The following DIP2A variants were observed in gnomAD, a reference collection of about 807,000 sequenced individuals.
DIP2A encodes disco-interacting protein 2 homolog A.
In DIP2A, 85 loss-of-function variants were observed where a neutral mutation model predicts 177.4. The ratio of observed to expected loss-of-function variants is 0.48; its 90% CI spans 0.40 to 0.57. The LOEUF is 0.57. DIP2A is among the 20% of genes least tolerant of loss of function. DIP2A has a pLI of 0.00. For synonymous variants in DIP2A, 886 were observed against 881.8 expected (o/e 1.00, Z -0.08); for missense variants, 1,791 against 2,100.2 (o/e 0.85, Z 2.88).
Position 46,561,787 on chromosome 21 carries a change from A to T in DIP2A, c.4071A>T (p.Pro1357=), listed in dbSNP as rs771858344. ...AACGGGGTTCTCCGCACAGCCTGCC[A>T]TTGATGGAGTCTGGAAAGGTAGTGG... ...LVERGSPHSL[P]LMESGKILPG... The change falls in exon 34 of 38, where the codon CCA becomes CCT. Residue 1357 remains proline, a synonymous_variant. Transcript: ENST00000417564. 6.2e-7 allele frequency: 1 copy of T among 1,613,778 alleles called. No homozygotes were observed. The highest frequency in any genetic ancestry group is 8.5e-7 in the Non-Finnish European group (1 of 1,179,878).
rs1048151839 is a variant in DIP2A, at chr21:46,473,712, C to T, written c.92-11045C>T. Among the ~76,000 whole-genome samples the T allele has an allele frequency of 2.6e-5, 4 of 152,012 alleles. 1 individual carries two copies. The highest frequency in any genetic ancestry group is 5.9e-5 in the Non-Finnish European group (4 of 67,984). On this transcript the variant is annotated intron_variant, in intron 1 of 37. Transcript: ENST00000417564. ...TGTATTTTTAGTAAAGATGGGGTTT[C>T]ACCATGTTGGCCAGGCTGGTCTCGA...
intron 6 of DIP2A, among the ~76,000 whole-genome samples, chr21:46,506,144 G>A (rs1203429645): frequency 6.6e-6 from 1 of 152,070 alleles, no homozygotes; most frequent in African/African-American, 2.4e-5. Flanking sequence ...TGGAGACTGA[G>A]TCTCACTCTG....
chr21:46,505,915 T>C (rs1354336137), intron 6 of DIP2A, among the ~76,000 whole-genome samples: 1 of 152,204 alleles, frequency 6.6e-6, no homozygotes, highest in Non-Finnish European at 1.5e-5. Context: ...CTCCTTCTCA[T>C]TGAGTAATAT....
chr21:46,537,586 T>C lies in DIP2A; in HGVS notation c.1801+47T>C, dbSNP rs761560022. 4 of 1,563,982 alleles carry C rather than the reference T, an allele frequency of 2.6e-6. No individual in the cohort carries two copies. Among genetic ancestry groups the C allele is most frequent in the Non-Finnish European group, 3.5e-6 (4 of 1,138,056 alleles). On this transcript the variant is annotated intron_variant, in intron 15 of 37. Coordinates refer to ENST00000417564, the MANE Select transcript of DIP2A (RefSeq NM_015151.4). The surrounding 1 kb of genome is among the most constrained non-coding windows in gnomAD (Gnocchi z 4.1). ...GCCTTCACCCTTCTTTAGGGAAATC[T>C]CTTTGAACTGACCTTTGGTGCTTAA...
chr21:46,492,011 T>C (rs2057041979), intron 3 of DIP2A, among the ~76,000 whole-genome samples: 1 of 152,250 alleles, frequency 6.6e-6, no homozygotes, highest in Non-Finnish European at 1.5e-5. Flanking sequence ...TTTTTTAAAT[T>C]GATAGTGCTT....
chr21:46,566,331 A>AT (rs2060836784), intron 36 of DIP2A, among the ~76,000 whole-genome samples: 1 of 152,158 alleles, frequency 6.6e-6, no homozygotes, highest in South Asian at 2.1e-4. Context: ...ATTTTTAATA[A>AT]TACGCTCACA....
chr21:46,523,888 C>T (rs1254947188), intron 8 of DIP2A, among the ~76,000 whole-genome samples: 2 of 152,108 alleles, frequency 1.3e-5, no homozygotes, highest in Non-Finnish European at 2.9e-5. Flanking sequence ...GAGCAGTTGC[C>T]CTGAGTAACA....
chr21:46,467,730 C>T (rs1415003282), intron 1 of DIP2A, among the ~76,000 whole-genome samples: 3 of 151,746 alleles, frequency 2.0e-5, no homozygotes, highest in Non-Finnish European at 2.9e-5. Context: ...GGAATACCCT[C>T]TTTAGGTTTT....
chr21:46,460,976 G>T (rs2054246304), intron 1 of DIP2A, among the ~76,000 whole-genome samples: 1 of 151,802 alleles, frequency 6.6e-6, no homozygotes. Context: ...TTACAGGCAT[G>T]AGCCACCGTG....
At chr21:46,527,012 C>G (rs552946112) in intron 8 of DIP2A, among the ~76,000 whole-genome samples, 1 of 152,062 alleles carries the variant, frequency 6.6e-6, no homozygotes, top group East Asian at 1.9e-4. Context: ...AGTATGTTTC[C>G]TTTTATTCTG....
rs777971164 is a variant in DIP2A, at chr21:46,560,748, C to T, written c.3996C>T (p.Thr1332=). Residue 1332 remains threonine (T), a synonymous_variant, in exon 33 of 38, where the codon ACC becomes ACT. Coordinates refer to ENST00000417564, the MANE Select transcript of DIP2A (RefSeq NM_015151.4). Reference sequence around the variant, plus strand: ...GCACAGCTGGCCCGGACCCCACAACCGTCTACGTGGACATGCGGGCACTGC... The same window carrying T: ...GCACAGCTGGCCCGGACCCCACAACTGTCTACGTGGACATGCGGGCACTGC... ...LQGTAGPDPT[T]VYVDMRALRH... is the part of the protein sequence containing the mutation. 1.5e-5 allele frequency: 24 copies of T among 1,609,380 alleles called. No individual in the cohort carries two copies. The highest frequency in any genetic ancestry group is 2.2e-5 in the South Asian group (2 of 90,012).
Position 46,559,534 on chromosome 21 carries a change from G to A in DIP2A, c.3969+1141G>A, listed in dbSNP as rs958664903. Among the ~76,000 whole-genome samples the A allele has an allele frequency of 1.3e-4, 20 of 152,204 alleles. 1 individual carries two copies. The highest frequency in any genetic ancestry group is 2.0e-4 in the Admixed American group (3 of 15,280). On this transcript the variant is annotated intron_variant, in intron 32 of 37. Transcript: ENST00000417564. ...TGTCACGCAGCAGAGGAGATCGGGC[G>A]GGAGCCTTTTGTGAGCTCGCTTCCT...
intron 4 of DIP2A, among the ~76,000 whole-genome samples, chr21:46,497,800 T>A (rs1341094274): frequency 6.6e-6 from 1 of 152,228 alleles, no homozygotes; most frequent in East Asian, 1.9e-4. Context: ...GTAAGATGAT[T>A]TAGTGGTTTT....
At chr21:46,477,543 T>TTTTTTTTTGTGTGTGTGTGTGTGTGTG (rs374607636) in intron 1 of DIP2A, among the ~76,000 whole-genome samples, 9 of 87,132 alleles carry the variant, frequency 1.0e-4, no homozygotes, top group African/African-American at 3.9e-4. Flanking sequence ...AAAAAAAGAT[T>TTTTTTTTTGTGTGTGTGTGTGTGTGTG]TGTGTGTGTG....
the DIP2A span, among the ~76,000 whole-genome samples, chr21:46,576,296 C>T: frequency 2.0e-5 from 3 of 152,074 alleles, no homozygotes; most frequent in Non-Finnish European, 4.4e-5. Flanking sequence ...CCCAACAGGC[C>T]CCAGTGTGTG....
chr21:46,498,585 C>T lies in DIP2A; in HGVS notation c.407C>T (p.Thr136Met). 1.2e-6 allele frequency: 2 copies of T among 1,605,398 alleles called. No homozygotes were observed. The highest frequency in any genetic ancestry group is 1.1e-5 in the South Asian group (1 of 90,654). Residue 136 changes from threonine (T) to methionine (M), a missense_variant, in exon 5 of 38, where the codon ACG becomes ATG. By Grantham distance (81) the Thr-to-Met change is moderately conservative (BLOSUM62 -1). Transcript: ENST00000417564. This position sits in a 1 kb window ranked among gnomAD's most constrained non-coding sequence, Gnocchi z 4.3. ...SSVETYTPPDTSSASEDEGSL... is the reference protein window; with the variant it reads ...SSVETYTPPDMSSASEDEGSL... ...GTCATCGTTATTTTAACCACAGACA[C>T]GTCGTCTGCCTCAGAAGATGAGGGC...
rs984787696 is a variant in DIP2A, at chr21:46,563,451, A to G, written c.4090-407A>G. Reference sequence around the variant, plus strand: ...GGACTGACTCGGAGTCACGGGCAGGAAGAACTTCCTCATGGTCAGGTTCCT... The same window carrying G: ...GGACTGACTCGGAGTCACGGGCAGGGAGAACTTCCTCATGGTCAGGTTCCT... On this transcript the variant is annotated intron_variant, in intron 34 of 37. Transcript: ENST00000417564. The surrounding 1 kb of genome is among the most constrained non-coding windows in gnomAD (Gnocchi z 4.3). Among the ~76,000 whole-genome samples, 4 of 152,142 alleles carry G rather than the reference A, an allele frequency of 2.6e-5. No homozygotes were observed. The highest frequency in any genetic ancestry group is 9.7e-5 in the African/African-American group (4 of 41,434).
At chr21:46,546,690 T>TG (rs1474568256) in intron 20 of DIP2A, among the ~76,000 whole-genome samples, 3 of 152,080 alleles carry the variant, frequency 2.0e-5, no homozygotes. Context: ...CCCTTCCTGA[T>TG]GCTGCCCCAC....
chr21:46,576,990 T>C, the DIP2A span, among the ~76,000 whole-genome samples: 18,328 of 152,202 alleles, frequency 0.12, 1,472 homozygotes, highest in African/African-American at 0.22. Context: ...TTTTCTTGTA[T>C]ATTTGTTTTA....
Sources: gnomAD v4.1 joint callset for allele counts (sites outside exome capture counted in the v4.1 genomes callset) on GRCh38, gnomAD v4.1.1 for gene constraint, Gnocchi (gnomAD v3.1) non-coding constraint, MANE v1.5 for transcripts, NCBI Gene and HGNC (gene_info 2026-07-23, HGNC 2026-07-21) for gene names.